GPR176: variants seen among roughly 807,000 people sequenced by gnomAD.
GPR176 encodes the protein G-protein coupled receptor 176.
GPR176 carries 26 observed loss-of-function variants against 35.4 expected under a neutral mutation model. The observed-to-expected ratio is 0.74, with a 90% confidence interval of 0.54 to 1.02. The LOEUF is 1.02. Among genes scored for constraint, GPR176 ranks in the 50% least tolerant of loss-of-function variants. GPR176 has a pLI of 0.00. For synonymous variants in GPR176, 278 were observed against 271.3 expected (o/e 1.02, Z -0.24); for missense variants, 597 against 665.3 (o/e 0.90, Z 1.13).
chr15:39,847,923 A>G (rs2030564403), intron 1 of GPR176, among the ~76,000 whole-genome samples: 2 of 152,144 alleles, frequency 1.3e-5, no homozygotes, highest in East Asian at 1.9e-4. Flanking sequence ...GGAAGGTCTC[A>G]GGAAACTTAC....
intron 1 of GPR176, among the ~76,000 whole-genome samples, chr15:39,869,724 A>G (rs1372670184): frequency 6.6e-6 from 1 of 152,148 alleles, no homozygotes; most frequent in East Asian, 1.9e-4. Flanking sequence ...CAATAGCACA[A>G]TATTAATCCT....
intron 1 of GPR176, 104 bp downstream of exon 1, chr15:39,919,751 G>T: frequency 8.1e-6 from 7 of 867,870 alleles, no homozygotes; most frequent in Non-Finnish European, 1.1e-5. Flanking sequence ...TCTGCACTTT[G>T]CCAGGCACCC....
At chr15:39,909,694 C>G (rs2033526318) in intron 1 of GPR176, among the ~76,000 whole-genome samples, 1 of 152,206 alleles carries the variant, frequency 6.6e-6, no homozygotes, top group Admixed American at 6.5e-5. Context: ...TTTCTTTAAG[C>G]TACTGCTTTC....
intron 1 of GPR176, among the ~76,000 whole-genome samples, chr15:39,848,915 TAAAA>T (rs35585820): frequency 1.2e-5 from 1 of 84,858 alleles, no homozygotes. Context: ...AAAAGCAAAG[TAAAA>T]AAAAAAAAAA....
At chr15:39,851,699 T>C (rs959937881) in intron 1 of GPR176, among the ~76,000 whole-genome samples, 8 of 152,232 alleles carry the variant, frequency 5.3e-5, no homozygotes, top group African/African-American at 1.9e-4. Context: ...CAGCCCCTGG[T>C]TGTCATAGCG....
intron 1 of GPR176, among the ~76,000 whole-genome samples, chr15:39,826,467 T>C (rs758906801): frequency 6.6e-6 from 1 of 151,684 alleles, no homozygotes; most frequent in Non-Finnish European, 1.5e-5. Context: ...CTGAGAAATA[T>C]GGATAGCTGA....
At chr15:39,869,688 T>C (rs2031974384) in intron 1 of GPR176, among the ~76,000 whole-genome samples, 1 of 152,230 alleles carries the variant, frequency 6.6e-6, no homozygotes, top group Non-Finnish European at 1.5e-5. Context: ...TTTTGAACTC[T>C]TGTTCAAAGG....
At chr15:39,802,404 G>C in intron 2 of GPR176, 150 bp from the exon 3 acceptor site, 2 of 641,880 alleles carry the variant, frequency 3.1e-6, no homozygotes, top group South Asian at 4.7e-5. Context: ...CAGGAAGCCA[G>C]ACCTAAGTTT....
chr15:39,809,290 A>T (rs1252379975), intron 1 of GPR176, among the ~76,000 whole-genome samples: 6 of 152,132 alleles, frequency 3.9e-5, no homozygotes, highest in African/African-American at 7.2e-5. Context: ...AAACTGACTC[A>T]TTTGGTTCTA....
intron 1 of GPR176, among the ~76,000 whole-genome samples, chr15:39,852,187 A>G (rs2030920943): frequency 6.6e-6 from 1 of 152,164 alleles, no homozygotes; most frequent in Non-Finnish European, 1.5e-5. Flanking sequence ...AAAATCATGA[A>G]GGCAGTGATT....
rs142862014 is a variant in GPR176, at chr15:39,817,037, C to T, written c.173-9779G>A. The stretch of plus-strand genomic sequence containing the variant: ...TGAGCTATGATCACAACACTGGACT[C>T]CAGCCTTGGTAACAGAGCAGGATTC... On this transcript the variant is annotated intron_variant, in intron 1 of 2. Transcript: ENST00000561100. Among the ~76,000 whole-genome samples, 396 of 122,322 alleles carry T rather than the reference C, an allele frequency of 3.2e-3. 2 individuals carry two copies. The highest frequency in any genetic ancestry group is 0.012 in the African/African-American group (374 of 32,210). The allele number at this position is 122,322 out of a possible 152,430, so 80.2% of individuals were successfully genotyped here.
intron 1 of GPR176, among the ~76,000 whole-genome samples, chr15:39,827,313 A>G (rs1258232524): frequency 6.6e-6 from 1 of 152,196 alleles, no homozygotes; most frequent in Non-Finnish European, 1.5e-5. Context: ...GGTGAAGCAG[A>G]GTACATGTAG....
rs867601032 is a variant in GPR176 at position 39,886,220 on chromosome 15, T to C, written c.172+33635A>G. On this transcript the variant is annotated intron_variant, in intron 1 of 2. Transcript: ENST00000561100. ...TGCACTCCAGCCTGAGCAACAAGAG[T>C]GAAATTCTGTCTCAAAAAAAAAAAG... Among the ~76,000 whole-genome samples the C allele has an allele frequency of 1.7e-4, 25 of 148,826 alleles. 1 individual carries two copies. The Middle Eastern group carries it at 0.01, about 61-fold the overall frequency.
chr15:39,888,274 TTTTA>T (rs954516257), intron 1 of GPR176, among the ~76,000 whole-genome samples: 4 of 124,790 alleles, frequency 3.2e-5, no homozygotes, highest in African/African-American at 6.5e-5. Context: ...GGAATCTGCT[TTTTA>T]TTTGTTTTTT....
chr15:39,856,250 C>T (rs1484034175), intron 1 of GPR176, among the ~76,000 whole-genome samples: 4 of 152,316 alleles, frequency 2.6e-5, no homozygotes, highest in East Asian at 1.9e-4. Context: ...CTTTACCATA[C>T]GCTGCTTTGT....
At chr15:39,850,807 A>T (rs2030810269) in intron 1 of GPR176, among the ~76,000 whole-genome samples, 1 of 152,150 alleles carries the variant, frequency 6.6e-6, no homozygotes, top group Non-Finnish European at 1.5e-5. Context: ...TGTTTAATTT[A>T]AAAATAAAAA....
intron 1 of GPR176, among the ~76,000 whole-genome samples, chr15:39,896,939 T>A (rs1428744611): frequency 6.6e-6 from 1 of 152,246 alleles, no homozygotes; most frequent in Non-Finnish European, 1.5e-5. Flanking sequence ...ATTATGACTA[T>A]GGGATTTCAC....
intron 1 of GPR176, among the ~76,000 whole-genome samples, chr15:39,870,283 C>T (rs2031994952): frequency 1.3e-5 from 2 of 152,138 alleles, no homozygotes; most frequent in South Asian, 4.2e-4. Context: ...TTGATCACAT[C>T]TGCAAAATCC....
Position 39,811,788 on chromosome 15 carries a change from T to C in GPR176, c.173-4530A>G, listed in dbSNP as rs182369340. Among the ~76,000 whole-genome samples, 502 of 152,126 alleles carry C rather than the reference T, an allele frequency of 3.3e-3. 2 individuals are homozygous for C. Among genetic ancestry groups the C allele is most frequent in the African/African-American group, 5.9e-3 (245 of 41,514 alleles). On this transcript the variant is annotated intron_variant, in intron 1 of 2. Transcript: ENST00000561100. Reference sequence around the variant, plus strand: ...AAAATTAGCCGGGCGTAGTAGTGGGTGCCTGTAGTCCCAGCTACTCAGCAG... The same window carrying C: ...AAAATTAGCCGGGCGTAGTAGTGGGCGCCTGTAGTCCCAGCTACTCAGCAG...
Sources: gnomAD v4.1 joint callset for allele counts (sites outside exome capture counted in the v4.1 genomes callset) on GRCh38, gnomAD v4.1.1 for gene constraint, MANE v1.5 for transcripts, NCBI Gene and HGNC (gene_info 2026-07-23, HGNC 2026-07-21) for gene names.